Variants in OVCH1 observed in about 807,000 individuals in gnomAD.
OVCH1 encodes ovochymase-1.
A neutral mutation model predicts 138.4 loss-of-function variants in OVCH1; 139 were observed. That is an observed-to-expected ratio of 1.00 (90% CI 0.87 to 1.16). The LOEUF (loss-of-function observed/expected upper bound fraction) is 1.16. Among genes scored for constraint, OVCH1 ranks in the 50% most tolerant of loss-of-function variants. The pLI is 0.00. For synonymous variants in OVCH1, 453 were observed against 467.8 expected (o/e 0.97, Z 0.41); for missense variants, 1,367 against 1,357.9 (o/e 1.01, Z -0.11).
chr12:29,477,661 C>T, intron 9 of OVCH1, 183 bp from the exon 11 acceptor site: 1 of 1,506,162 alleles, frequency 6.6e-7, no homozygotes, highest in Non-Finnish European at 9.1e-7. Flanking sequence ...GTCTCCTTCT[C>T]AACCCCCCAG....
At chr12:29,486,281 G>A in exon 8 of OVCH1, 1 of 1,613,664 alleles carries the variant, frequency 6.2e-7, no homozygotes, top group African/African-American at 1.3e-5. Flanking sequence ...TCACTTCTTG[G>A]ACAGAACTCA....
chr12:29,444,119 C>A, intron 24 of OVCH1, 26 bp downstream of exon 24: 1 of 1,565,450 alleles, frequency 6.4e-7, no homozygotes, highest in Non-Finnish European at 8.7e-7. Context: ...ACACTTCTTC[C>A]ATTATAATAA....
intron 3 of OVCH1, among the ~76,000 whole-genome samples, chr12:29,413,209 C>G (rs1456505247): frequency 6.6e-6 from 1 of 152,086 alleles, no homozygotes; most frequent in Non-Finnish European, 1.5e-5. Context: ...AAAATACTAT[C>G]TATTACTCAA....
chr12:29,419,597 G>A lies in OVCH1; in HGVS notation c.*71+3530C>T, dbSNP rs149735174. 4.2e-3 allele frequency among the ~76,000 whole-genome samples: 644 copies of A among 151,974 alleles called. 5 individuals carry two copies. The highest frequency in any genetic ancestry group is 0.014 in the African/African-American group (586 of 41,436). ...GCATGAGCCACTGCGCCTGGCCAAC[G>A]AAATATGATTTTTAAGATGCATGAT... is the stretch of plus-strand genomic sequence containing the variant. On this transcript the variant is annotated intron_variant and NMD_transcript_variant, in intron 3 of 4. Transcript: ENST00000539117.
chr12:29,450,102 C>T (rs1052239587), intron 22 of OVCH1, among the ~76,000 whole-genome samples: 2 of 152,104 alleles, frequency 1.3e-5, no homozygotes, highest in Non-Finnish European at 2.9e-5. Context: ...AGAACATAGG[C>T]ATGGGCAAAG....
At chr12:29,433,872 A>G (rs1396984517) in intron 26 of OVCH1, 6 of 1,280,456 alleles carry the variant, frequency 4.7e-6, no homozygotes, top group Admixed American at 7.4e-5. Flanking sequence ...TTCAATTAAC[A>G]TGTCCAAAAA....
exon 22 of OVCH1, chr12:29,451,391 T>G: frequency 6.2e-7 from 1 of 1,613,200 alleles, no homozygotes; most frequent in Non-Finnish European, 8.5e-7. Context: ...TAATTAGAAC[T>G]GAGTCTTGAC....
intron 25 of OVCH1, among the ~76,000 whole-genome samples, chr12:29,441,448 A>G (rs962514240): frequency 4.1e-4 from 62 of 152,336 alleles, no homozygotes; most frequent in Admixed American, 1.2e-3. Context: ...TCCCTTCCTT[A>G]CACCTTATAC....
chr12:29,485,097 TA>T (rs1377975365), intron 8 of OVCH1, among the ~76,000 whole-genome samples: 1 of 152,254 alleles, frequency 6.6e-6, no homozygotes, highest in East Asian at 1.9e-4. Context: ...TAAGGTTAAA[TA>T]CCTTTGTATA....
chr12:29,486,422 G>A (rs2136071066), intron 7 of OVCH1, 74 bp from the exon 8 acceptor site: 2 of 1,196,934 alleles, frequency 1.7e-6, no homozygotes, highest in East Asian at 2.5e-5. Flanking sequence ...ACAATGTGAA[G>A]TTAAAAGAAT....
intron 9 of OVCH1, among the ~76,000 whole-genome samples, chr12:29,478,510 A>G (rs1942818466): frequency 6.6e-6 from 1 of 152,156 alleles, no homozygotes; most frequent in Non-Finnish European, 1.5e-5. Flanking sequence ...GGAATGTGGG[A>G]TCTGGTTCCT....
At chr12:29,462,038 A>G in intron 18 of OVCH1, 30 bp from the exon 19 acceptor site, 1 of 1,600,366 alleles carries the variant, frequency 6.2e-7, no homozygotes. Flanking sequence ...AGAGAGCTCG[A>G]TGATGAAGTA....
intron 9 of OVCH1, among the ~76,000 whole-genome samples, 164 bp downstream of exon 10, chr12:29,478,671 T>G (rs565968696): frequency 6.6e-6 from 1 of 151,996 alleles, no homozygotes; most frequent in Non-Finnish European, 1.5e-5. Context: ...TTTATTTTTG[T>G]TTTTTTGAGT....
chr12:29,496,176 C>T lies in OVCH1; in HGVS notation c.281+5G>A. 1 of 1,597,914 alleles carries T rather than the reference C, an allele frequency of 6.3e-7. No homozygotes were observed. The highest frequency in any genetic ancestry group is 8.5e-7 in the Non-Finnish European group (1 of 1,170,418). On this transcript the variant is annotated splice_donor_5th_base_variant and intron_variant, in intron 3 of 27. Coordinates refer to ENST00000318184, the Ensembl canonical transcript of OVCH1. ...CCTGACAAGTAATGGAAATCCACAA[C>T]TTACTCACTGAGGCTGTCCAGGCAG...
the OVCH1 span, among the ~76,000 whole-genome samples, chr12:29,406,314 ATTTT>A: frequency 2.6e-5 from 4 of 152,020 alleles, no homozygotes; most frequent in Non-Finnish European, 5.9e-5. Flanking sequence ...TTATTTATTT[ATTTT>A]TATTATTATA....
At chr12:29,463,442 A>G (rs1345660058) in intron 18 of OVCH1, among the ~76,000 whole-genome samples, 1 of 152,168 alleles carries the variant, frequency 6.6e-6, no homozygotes, top group East Asian at 1.9e-4. Context: ...GAAAGAAGAA[A>G]GGCCACGGTA....
intron 21 of OVCH1, among the ~76,000 whole-genome samples, chr12:29,452,092 A>G (rs1941812090): frequency 6.6e-6 from 1 of 152,162 alleles, no homozygotes; most frequent in South Asian, 2.1e-4. Flanking sequence ...CAGTTTTTCC[A>G]TGGCCCGCTG....
At chr12:29,491,236 A>G in intron 4 of OVCH1, 44 bp from the exon 5 acceptor site, 1 of 1,442,798 alleles carries the variant, frequency 6.9e-7, no homozygotes, top group Non-Finnish European at 9.7e-7. Context: ...TAAATACGCC[A>G]TGTTGAATAT....
At chr12:29,437,508 A>C (rs1230544730) in intron 26 of OVCH1, among the ~76,000 whole-genome samples, 2 of 152,178 alleles carry the variant, frequency 1.3e-5, no homozygotes, top group Non-Finnish European at 2.9e-5. Context: ...AACTATCTCT[A>C]AGTTTAACTG....
Sources: allele counts gnomAD v4.1 joint callset (sites outside exome capture counted in the v4.1 genomes callset), GRCh38; gene constraint gnomAD v4.1.1; transcripts MANE v1.5; gene names NCBI Gene and HGNC (gene_info 2026-07-23, HGNC 2026-07-21).